FHIT: variants seen among roughly 807,000 people sequenced by gnomAD.
The protein encoded by FHIT is bis(5'-adenosyl)-triphosphatase.
A neutral mutation model predicts 17.9 loss-of-function variants in FHIT; 19 were observed. The ratio of observed to expected loss-of-function variants is 1.06; its 90% CI spans 0.74 to 1.56. The LOEUF is 1.56. FHIT is among the 40% of genes most tolerant of loss of function. FHIT has a pLI of 0.00. For synonymous variants in FHIT, 81 were observed against 69.7 expected (o/e 1.16, Z -0.81); for missense variants, 248 against 189.2 (o/e 1.31, Z -1.82).
chr3:59,829,951 C>T (rs921765382), intron 8 of FHIT, among the ~76,000 whole-genome samples: 1 of 151,986 alleles, frequency 6.6e-6, no homozygotes, highest in African/African-American at 2.4e-5. Flanking sequence ...TAGCTCGTGC[C>T]TATAGTCCCA....
chr3:60,413,049 C>A (rs1156790563), intron 5 of FHIT, among the ~76,000 whole-genome samples: 2 of 152,120 alleles, frequency 1.3e-5, no homozygotes, highest in African/African-American at 4.8e-5. Context: ...CAGTCTCGGG[C>A]AGTTCTTCAT....
intron 3 of FHIT, among the ~76,000 whole-genome samples, chr3:60,939,488 A>G (rs1263191398): frequency 6.6e-6 from 1 of 152,212 alleles, no homozygotes; most frequent in Non-Finnish European, 1.5e-5. Flanking sequence ...CCAGACATCC[A>G]TTCAACAATA....
chr3:60,531,274 C>CTTTTTT (rs5741620), intron 5 of FHIT, among the ~76,000 whole-genome samples: 12 of 83,134 alleles, frequency 1.4e-4, no homozygotes, highest in African/African-American at 5.3e-4. Context: ...GAAAAGAACT[C>CTTTTTT]TTTTTTTTTT....
chr3:59,839,191 G>A (rs1701442646), intron 8 of FHIT, among the ~76,000 whole-genome samples: 2 of 152,018 alleles, frequency 1.3e-5, no homozygotes, highest in East Asian at 1.9e-4. Flanking sequence ...GGTGGTACAT[G>A]CCTGTAATCC....
At chr3:60,035,318 C>T (rs894894304) in intron 5 of FHIT, among the ~76,000 whole-genome samples, 1 of 152,216 alleles carries the variant, frequency 6.6e-6, no homozygotes, top group African/African-American at 2.4e-5. Context: ...CTCACTGCAA[C>T]CCCTGCCTCC....
chr3:59,995,019 G>C (rs1474809974), intron 7 of FHIT, among the ~76,000 whole-genome samples: 2 of 151,976 alleles, frequency 1.3e-5, no homozygotes, highest in Admixed American at 6.6e-5. Context: ...GGCTCTGCTA[G>C]AGCAGCAAAG....
At chr3:61,066,156 C>T (rs1216554446) in intron 2 of FHIT, among the ~76,000 whole-genome samples, 1 of 152,146 alleles carries the variant, frequency 6.6e-6, no homozygotes, top group Non-Finnish European at 1.5e-5. Context: ...CAATAGTGAA[C>T]CCATTAACAT....
intron 5 of FHIT, among the ~76,000 whole-genome samples, chr3:60,386,989 T>G (rs1271251956): frequency 6.6e-6 from 1 of 151,626 alleles, no homozygotes; most frequent in Non-Finnish European, 1.5e-5. Flanking sequence ...ATATTTCTCT[T>G]TCTCTGCCTT....
chr3:60,734,058 T>A (rs1265330279), intron 4 of FHIT, among the ~76,000 whole-genome samples: 2 of 152,202 alleles, frequency 1.3e-5, no homozygotes, highest in African/African-American at 4.8e-5. Flanking sequence ...TCAAAGCAAC[T>A]GTCCCAATCC....
chr3:59,796,768 CA>C (rs1168791690), intron 8 of FHIT, among the ~76,000 whole-genome samples: 1 of 152,180 alleles, frequency 6.6e-6, no homozygotes, highest in Non-Finnish European at 1.5e-5. Flanking sequence ...GCAGTATTCT[CA>C]GTGACAAAGG....
intron 7 of FHIT, among the ~76,000 whole-genome samples, chr3:59,952,884 C>A (rs761452025): frequency 6.6e-6 from 1 of 152,016 alleles, no homozygotes; most frequent in Non-Finnish European, 1.5e-5. Context: ...GGGACGGCAG[C>A]CAGTGAAGAG....
intron 8 of FHIT, among the ~76,000 whole-genome samples, chr3:59,823,305 T>C (rs1056109355): frequency 2.0e-5 from 3 of 152,184 alleles, no homozygotes; most frequent in African/African-American, 7.2e-5. Context: ...AATTTTAGAA[T>C]TGTTTTCTCT....
chr3:60,100,773 G>C (rs975594374), intron 5 of FHIT, among the ~76,000 whole-genome samples: 8 of 152,122 alleles, frequency 5.3e-5, no homozygotes, highest in African/African-American at 1.9e-4. Context: ...AAACAGTAGA[G>C]TCATGCTGGA....
chr3:60,509,927 C>T (rs185570918), intron 5 of FHIT, among the ~76,000 whole-genome samples: 11 of 152,310 alleles, frequency 7.2e-5, no homozygotes, highest in Admixed American at 7.2e-4. Flanking sequence ...ACCGTCTCAA[C>T]CTTTGCCAAC....
intron 4 of FHIT, among the ~76,000 whole-genome samples, chr3:60,696,631 G>C (rs1257848548): frequency 6.6e-6 from 1 of 152,200 alleles, no homozygotes; most frequent in Non-Finnish European, 1.5e-5. Flanking sequence ...TCCACAAAAG[G>C]AAAGAGAGTC....
At chr3:60,849,225 G>A (rs1553747527) in intron 3 of FHIT, among the ~76,000 whole-genome samples, 2 of 151,804 alleles carry the variant, frequency 1.3e-5, no homozygotes, top group Non-Finnish European at 2.9e-5. Flanking sequence ...GAGAGGGAGA[G>A]ACAGAGAGAA....
At chr3:60,150,110 C>T (rs113955130) in intron 5 of FHIT, among the ~76,000 whole-genome samples, 30,570 of 149,062 alleles carry the variant, frequency 0.21, 3,358 homozygotes, top group Middle Eastern at 0.37. Context: ...ATTCTCCTGC[C>T]TCAGCCTTCC....
At chr3:60,164,559 C>T (rs1196331115) in intron 5 of FHIT, among the ~76,000 whole-genome samples, 5 of 151,818 alleles carry the variant, frequency 3.3e-5, no homozygotes, top group Non-Finnish European at 2.9e-5. Flanking sequence ...CAATCTCTAA[C>T]GCAGTCAGGG....
chr3:60,557,582 T>C (rs1045701181), intron 4 of FHIT, among the ~76,000 whole-genome samples: 1 of 151,530 alleles, frequency 6.6e-6, no homozygotes, highest in African/African-American at 2.4e-5. Flanking sequence ...GTACCCAGGC[T>C]CTCCTTAGCT....
Sources: allele counts gnomAD v4.1 joint callset (sites outside exome capture counted in the v4.1 genomes callset), GRCh38; gene constraint gnomAD v4.1.1; transcripts MANE v1.5; gene names NCBI Gene and HGNC (gene_info 2026-07-23, HGNC 2026-07-21).